The following SLC18B1 variants were observed in gnomAD, a reference collection of about 807,000 sequenced individuals.
SLC18B1 encodes solute carrier family 18 member B1, also known as MFS-type transporter SLC18B1.
Under a neutral mutation model 53.9 loss-of-function variants are expected in SLC18B1, and 62 were observed. The ratio of observed to expected loss-of-function variants is 1.15; its 90% CI spans 0.94 to 1.42. The LOEUF is 1.42. Ranked by LOEUF, SLC18B1 falls within the 40% of genes most tolerant of loss-of-function variation. The pLI, the probability that SLC18B1 is intolerant of heterozygous loss-of-function variation, is 0.00. For missense variants in SLC18B1, 598 were observed against 547.3 expected, an observed-to-expected ratio of 1.09 and a Z score of -0.93; for synonymous variants, 217 against 200.9, an observed-to-expected ratio of 1.08 and a Z score of -0.68.
In SLC18B1 at chr6:132,795,760, A is replaced by G. The variant is rs913871690; in HGVS notation, c.183+1222T>C. Among the ~76,000 whole-genome samples, 3 of 152,268 alleles carry G rather than the reference A, an allele frequency of 2.0e-5. No homozygotes were observed. In the East Asian group the frequency reaches 5.8e-4, roughly 29 times the overall value. On this transcript the variant is annotated intron_variant, in intron 2 of 13. Transcript: ENST00000275227. ...CGTCTAGAATCCAGTTGGACTTTCT[A>G]GGGATTATTATCTTTGAATCTGTGT...
chr6:132,784,014 C>G lies in SLC18B1; in HGVS notation c.577G>C (p.Gly193Arg). 1 of 1,610,584 alleles carries G rather than the reference C, an allele frequency of 6.2e-7. No homozygotes were observed. The highest frequency in any genetic ancestry group is 1.3e-5 in the African/African-American group (1 of 74,772). The change falls in exon 6 of 14, where the codon GGC becomes CGC. Residue 193 changes from glycine to arginine, a missense_variant. Transcript: ENST00000275227. ...AGAACAATAAAAGGCACTTCATAGC[C>G]AAAGGATTGATACAAAAAGCCACCT... ...PVGGFLYQSF[G>R]YEVPFIVLGC...
Position 132,798,526 on chromosome 6 carries a change from A to C in SLC18B1, c.-70T>G. The C allele has an allele frequency of 7.2e-7, 1 of 1,380,168 alleles. No individual in the cohort carries two copies. Among genetic ancestry groups the C allele is most frequent in the Non-Finnish European group, 9.5e-7 (1 of 1,054,484 alleles). 85.5% of individuals were successfully genotyped at this position (1,380,168 alleles called of 1,614,324 possible). The stretch of plus-strand genomic sequence containing the variant: ...ACGTCCTTGGACTCGACCTCCAAGG[A>C]GCCACTGGCACTCTGGCGGGCGGCC... On this transcript the variant is annotated 5_prime_UTR_variant, in exon 1 of 14. Transcript: ENST00000275227.
chr6:132,770,846 G>A, intron 13 of SLC18B1, 44 bp downstream of exon 13: 1 of 1,544,102 alleles, frequency 6.5e-7, no homozygotes, highest in Non-Finnish European at 8.8e-7. Context: ...ACTTGCACTG[G>A]CTAACTTTTA....
At chr6:132,785,704 G>C (rs1318024180) in intron 5 of SLC18B1, among the ~76,000 whole-genome samples, 1 of 151,994 alleles carries the variant, frequency 6.6e-6, no homozygotes, top group Non-Finnish European at 1.5e-5. Context: ...TTTATTAAGT[G>C]GCACTTTCCA....
At position 132,774,259 on chromosome 6, in the gene SLC18B1, T is replaced by A. The variant is rs766054802; in HGVS notation, c.952A>T (p.Met318Leu). ...FGNLITAGCYMLLGPVPILHI... is the reference protein window; with the variant it reads ...FGNLITAGCYLLLGPVPILHI... Reference sequence around the variant, plus strand: ...AAGATTGGGACAGGCCCTAAGAGCATGTAGCACCCGGCTGTGATTAAGTTG... The same window carrying A: ...AAGATTGGGACAGGCCCTAAGAGCAAGTAGCACCCGGCTGTGATTAAGTTG... Residue 318 changes from methionine to leucine, a missense_variant, in exon 9 of 14, where the codon ATG (methionine) becomes TTG (leucine). Transcript: ENST00000275227. 1 of 1,613,656 alleles carries A rather than the reference T, an allele frequency of 6.2e-7. No homozygotes were observed. Among genetic ancestry groups the A allele is most frequent in the Non-Finnish European group, 8.5e-7 (1 of 1,179,740 alleles).
rs1781760828 is a variant in SLC18B1 at position 132,798,606 on chromosome 6, G to A, written c.-150C>T. The A allele has an allele frequency of 1.2e-6, 1 of 804,152 alleles. No homozygotes were observed. Among genetic ancestry groups the A allele is most frequent in the Non-Finnish European group, 1.8e-6 (1 of 569,006 alleles). The allele number at this position is 804,152 out of a possible 1,614,324, so 49.8% of individuals were successfully genotyped here. A position where few individuals can be genotyped will look rare whatever the true frequency, so the allele number is the denominator to read the frequency against. On this transcript the variant is annotated 5_prime_UTR_variant, in exon 1 of 14. Transcript: ENST00000275227. ...CTCCCTGCAGGCAGCGATCCGCCCG[G>A]CCCGGAGCTCCCCAAAGCCTTCCAG...
chr6:132,786,767 G>A (rs1781388408), intron 5 of SLC18B1, among the ~76,000 whole-genome samples: 2 of 152,176 alleles, frequency 1.3e-5, no homozygotes, highest in African/African-American at 2.4e-5. Context: ...CCCAGAGAGA[G>A]AGAGAGAGCT....
chr6:132,782,909 G>A (rs948318824), intron 6 of SLC18B1, among the ~76,000 whole-genome samples: 28 of 151,630 alleles, frequency 1.8e-4, no homozygotes, highest in African/African-American at 6.8e-4. Flanking sequence ...TGAGTAGCTG[G>A]GAGTATAGGT....
chr6:132,796,145 G>A (rs1204971153), intron 2 of SLC18B1, among the ~76,000 whole-genome samples: 1 of 150,892 alleles, frequency 6.6e-6, no homozygotes, highest in African/African-American at 2.4e-5. Context: ...TCAGGAGATG[G>A]AGACCATCCT....
At chr6:132,770,494 G>T (rs1003585114) in intron 13 of SLC18B1, among the ~76,000 whole-genome samples, 158 bp from the exon 14 acceptor site, 1 of 152,194 alleles carries the variant, frequency 6.6e-6, no homozygotes, top group Non-Finnish European at 1.5e-5. Flanking sequence ...CCAGCATTTT[G>T]GGAGGCAGAG....
At chr6:132,795,840 C>T (rs1446408111) in intron 2 of SLC18B1, among the ~76,000 whole-genome samples, 1 of 152,136 alleles carries the variant, frequency 6.6e-6, no homozygotes, top group Non-Finnish European at 1.5e-5. Flanking sequence ...AGGAATAGGC[C>T]CTATTAATCA....
intron 4 of SLC18B1, among the ~76,000 whole-genome samples, chr6:132,788,743 A>T (rs1781445546): frequency 6.6e-6 from 1 of 151,650 alleles, no homozygotes; most frequent in Admixed American, 6.6e-5. Flanking sequence ...GAGTGGCTTG[A>T]ACCTGGGAGG....
intron 7 of SLC18B1, 116 bp from the exon 8 acceptor site, chr6:132,776,545 C>G: frequency 1.4e-6 from 1 of 695,004 alleles, no homozygotes; most frequent in East Asian, 2.9e-5. Flanking sequence ...TAATAATATT[C>G]TGCATTTTCC....
chr6:132,788,402 C>T (rs1443510792), intron 4 of SLC18B1, among the ~76,000 whole-genome samples: 4 of 151,636 alleles, frequency 2.6e-5, no homozygotes, highest in Admixed American at 1.3e-4. Context: ...GTTGTCTTTT[C>T]AGTAGGAGGA....
intron 7 of SLC18B1, among the ~76,000 whole-genome samples, chr6:132,777,979 A>G (rs1030628332): frequency 1.3e-5 from 2 of 152,224 alleles, no homozygotes; most frequent in African/African-American, 4.8e-5. Context: ...GGGTGCAGGC[A>G]GACTGAGTCC....
At chr6:132,772,350 G>T in intron 10 of SLC18B1, 144 bp from the exon 11 acceptor site, 1 of 470,740 alleles carries the variant, frequency 2.1e-6, no homozygotes. Context: ...AAGATAAAAA[G>T]CAAATCTTAT....
intron 6 of SLC18B1, among the ~76,000 whole-genome samples, chr6:132,781,913 T>G (rs1464963882): frequency 6.7e-6 from 1 of 149,868 alleles, no homozygotes; most frequent in Admixed American, 6.6e-5. Context: ...ATAGGCCAGG[T>G]GCAGTGGCTC....
rs776539534 is a variant in SLC18B1 at position 132,787,463 on chromosome 6, C to T, written c.472G>A (p.Ala158Thr). ...MTASSSILAK[A>T]FPNNVATVLG... The stretch of plus-strand genomic sequence containing the variant: ...ACCGTAGCCACGTTATTTGGAAAAG[C>T]CTTTGCCAGGATAGAAGAAGATGCA... The change falls in exon 5 of 14, where the codon GCT becomes ACT. Residue 158 changes from alanine (A) to threonine (T), a missense_variant. Ala to Thr is a moderately conservative substitution (Grantham distance 58). Coordinates refer to ENST00000275227, the MANE Select transcript of SLC18B1 (RefSeq NM_052831.3). The T allele has an allele frequency of 6.2e-6, 10 of 1,601,618 alleles. No individual in the cohort carries two copies. Among genetic ancestry groups the T allele is most frequent in the Non-Finnish European group, 8.5e-6 (10 of 1,176,288 alleles).
chr6:132,796,671 G>T (rs931103359), intron 2 of SLC18B1, among the ~76,000 whole-genome samples: 1 of 151,814 alleles, frequency 6.6e-6, no homozygotes, highest in African/African-American at 2.4e-5. Flanking sequence ...CAGTTATTCA[G>T]TGCACTCCTT....
Sources: gnomAD v4.1 joint callset for allele counts (sites outside exome capture counted in the v4.1 genomes callset) on GRCh38, gnomAD v4.1.1 for gene constraint, MANE v1.5 for transcripts, NCBI Gene and HGNC (gene_info 2026-07-23, HGNC 2026-07-21) for gene names.